The following TET3 variants were observed in gnomAD, a reference collection of about 807,000 sequenced individuals.
TET3 encodes the protein methylcytosine dioxygenase TET3.
TET3 carries 19 observed loss-of-function variants against 141.4 expected under a neutral mutation model. The observed-to-expected ratio is 0.13, with a 90% CI of 0.09 to 0.20. The LOEUF (loss-of-function observed/expected upper bound fraction) is 0.20, where lower values mean the gene tolerates loss of function less well. Among genes scored for constraint, TET3 ranks in the 10% least tolerant of loss-of-function variants. The pLI is 1.00. For missense variants in TET3, 1,874 were observed against 2,356.9 expected, an observed-to-expected ratio of 0.80 and a Z score of 4.24; for synonymous variants, 1,043 against 980.9, an observed-to-expected ratio of 1.06 and a Z score of -1.18.
intron 4 of TET3, among the ~76,000 whole-genome samples, chr2:74,065,801 A>G (rs563049456): frequency 3.0e-4 from 44 of 145,726 alleles, no homozygotes; most frequent in Non-Finnish European, 5.8e-4. Flanking sequence ...GCTCTGTCTC[A>G]AGGCTGGAGT....
chr2:74,080,582 T>C lies in TET3; in HGVS notation c.2670T>C (p.Ile890=). ...KEGKSSRGCP[I]AKWVIRRHTL... is the part of the protein sequence containing the mutation. ...GAAAGAGCTCCCGCGGTTGCCCCAT[T>C]GCAAAGTGGGTGAGTGTTGAGCCCA... The change falls in exon 6 of 12, where the codon ATT becomes ATC. Residue 890 remains isoleucine (I), a synonymous_variant. Coordinates refer to ENST00000409262, the MANE Select transcript of TET3 (RefSeq NM_001287491.2). 1 of 1,611,212 alleles carries C rather than the reference T, an allele frequency of 6.2e-7. No homozygotes were observed. Among genetic ancestry groups the C allele is most frequent in the Non-Finnish European group, 8.5e-7 (1 of 1,178,782 alleles).
rs1446561679 is a variant in TET3 at position 74,100,586 on chromosome 2, G to A, written c.3798G>A (p.Gln1266=). The A allele has an allele frequency of 4.3e-6, 7 of 1,613,776 alleles. No individual in the cohort carries two copies. The Admixed American group carries it at 5.0e-5, about 12-fold the overall frequency. Residue 1266 remains glutamine (Q), a synonymous_variant, in exon 12 of 12, where the codon CAG becomes CAA. Transcript: ENST00000409262. ...SVYSYHSYYA[Q]PSLTSVNGFH... Reference sequence around the variant, plus strand: ...ACTCCTACCACTCCTACTATGCACAGCCCAGCCTGACCTCCGTCAATGGCT... The same window carrying A: ...ACTCCTACCACTCCTACTATGCACAACCCAGCCTGACCTCCGTCAATGGCT...
intron 5 of TET3, among the ~76,000 whole-genome samples, chr2:74,076,544 T>C (rs1206807688): frequency 6.7e-6 from 1 of 149,512 alleles, no homozygotes; most frequent in Non-Finnish European, 1.5e-5. Context: ...AACAAGATAT[T>C]CCAGGCTTGT....
At chr2:74,011,867 C>G (rs1180358564) in intron 3 of TET3, among the ~76,000 whole-genome samples, 1 of 151,176 alleles carries the variant, frequency 6.6e-6, no homozygotes, top group Non-Finnish European at 1.5e-5. Flanking sequence ...GCGAGACCCT[C>G]ATCTCTACCA....
chr2:74,012,492 G>A (rs1685511472), intron 3 of TET3, among the ~76,000 whole-genome samples: 1 of 152,196 alleles, frequency 6.6e-6, no homozygotes, highest in Non-Finnish European at 1.5e-5. Context: ...CAGCTCCGAG[G>A]CAGGTGGTAG....
intron 2 of TET3, among the ~76,000 whole-genome samples, chr2:73,991,517 A>G (rs895095828): frequency 1.3e-5 from 2 of 152,124 alleles, no homozygotes; most frequent in African/African-American, 4.8e-5. Flanking sequence ...ACTTAAAGTC[A>G]TCTTAGAGGG....
intron 4 of TET3, among the ~76,000 whole-genome samples, chr2:74,061,359 C>A (rs1414104825): frequency 1.3e-4 from 16 of 122,236 alleles, no homozygotes; most frequent in African/African-American, 4.3e-4. Flanking sequence ...GGCGGCTGGC[C>A]GGGTGGGGGG....
intron 3 of TET3, among the ~76,000 whole-genome samples, chr2:74,041,890 GACCCTGTTT>G (rs1340170395): frequency 6.6e-6 from 1 of 152,150 alleles, no homozygotes; most frequent in East Asian, 1.9e-4. Flanking sequence ...CTAAGTATGA[GACCCTGTTT>G]ACCCTTTTAG....
chr2:74,037,084 G>C (rs1041858538), intron 3 of TET3, among the ~76,000 whole-genome samples: 1 of 152,196 alleles, frequency 6.6e-6, no homozygotes, highest in South Asian at 2.1e-4. Context: ...TGGAGTTGCT[G>C]TCTGCAGAGG....
intron 3 of TET3, among the ~76,000 whole-genome samples, chr2:74,007,868 T>G (rs1212651403): frequency 1.3e-5 from 2 of 152,244 alleles, no homozygotes; most frequent in Non-Finnish European, 2.9e-5. Flanking sequence ...GTGGTCCCAC[T>G]TACTTTGTAC....
chr2:74,035,738 G>T (rs1654651680), intron 3 of TET3, among the ~76,000 whole-genome samples: 1 of 145,784 alleles, frequency 6.9e-6, no homozygotes, highest in African/African-American at 2.5e-5. Context: ...AAAAAAGTAT[G>T]TGGTGGCTCC....
intron 3 of TET3, among the ~76,000 whole-genome samples, chr2:74,020,358 A>G (rs1023567989): frequency 1.3e-5 from 2 of 151,938 alleles, no homozygotes; most frequent in Non-Finnish European, 2.9e-5. Context: ...TATTCTTTGT[A>G]TTTTTTTAGA....
rs1691235634 is a variant in TET3, at chr2:74,101,794, G to A, written c.5006G>A (p.Arg1669Gln). ...AHGSILIECA[R>Q]RELHATTPLK... ...GGCTCCATCCTCATCGAGTGTGCCCGGCGGGAGCTGCACGCCACCACGCCG... is the reference window on the plus strand; with the variant it reads ...GGCTCCATCCTCATCGAGTGTGCCCAGCGGGAGCTGCACGCCACCACGCCG... The change falls in exon 12 of 12, where the codon CGG (arginine) becomes CAG (glutamine). Residue 1669 changes from arginine (R) to glutamine (Q), a missense_variant. Transcript: ENST00000409262. The surrounding 1 kb of genome is among the most constrained non-coding windows in gnomAD (Gnocchi z 8.5). 3 of 1,612,970 alleles carry A rather than the reference G, an allele frequency of 1.9e-6. No homozygotes were observed. The highest frequency in any genetic ancestry group is 1.7e-6 in the Non-Finnish European group (2 of 1,179,834).
intron 4 of TET3, among the ~76,000 whole-genome samples, chr2:74,054,722 G>A (rs1401150028): frequency 6.6e-6 from 1 of 152,186 alleles, no homozygotes; most frequent in African/African-American, 2.4e-5. Context: ...GAGAGGGTAT[G>A]TTAAAGAACC....
chr2:74,113,183 G>C, the TET3 span, among the ~76,000 whole-genome samples: 1 of 150,936 alleles, frequency 6.6e-6, no homozygotes, highest in African/African-American at 2.4e-5. Flanking sequence ...GAGGTAGTTC[G>C]AGACCAGCCT....
the TET3 span, among the ~76,000 whole-genome samples, chr2:74,125,275 C>T: frequency 6.6e-6 from 1 of 151,514 alleles, no homozygotes; most frequent in Non-Finnish European, 1.5e-5. Context: ...AGCCACTGCA[C>T]CTGGCCTCAC....
At chr2:74,111,553 CCATT>C (rs2104295614), downstream of TET3, among the ~76,000 whole-genome samples, 1 of 152,320 alleles carries the variant, frequency 6.6e-6, no homozygotes, top group South Asian at 2.1e-4. Flanking sequence ...CTGGGGAACA[CCATT>C]CATACAGACT....
the TET3 span, among the ~76,000 whole-genome samples, chr2:74,115,551 G>A: frequency 2.0e-5 from 3 of 152,010 alleles, no homozygotes; most frequent in Admixed American, 6.6e-5. Flanking sequence ...AAAAACCACT[G>A]TACCCCTAAA....
intron 3 of TET3, among the ~76,000 whole-genome samples, chr2:74,016,736 AAAC>A (rs919974656): frequency 1.1e-4 from 15 of 133,914 alleles, no homozygotes; most frequent in African/African-American, 4.5e-4. Context: ...ACAAACAAAC[AAAC>A]AAAAAAATAA....
Sources: allele counts gnomAD v4.1 joint callset (sites outside exome capture counted in the v4.1 genomes callset), GRCh38; gene constraint gnomAD v4.1.1; non-coding constraint Gnocchi (gnomAD v3.1); transcripts MANE v1.5; gene names NCBI Gene and HGNC (gene_info 2026-07-23, HGNC 2026-07-21).